C7: variants seen among roughly 807,000 people sequenced by gnomAD.
C7 encodes complement component C7.
Under a neutral mutation model 104.8 loss-of-function variants are expected in C7, and 83 were observed. The observed-to-expected ratio is 0.79, with a 90% confidence interval of 0.66 to 0.95. The LOEUF is 0.95. C7 is among the 40% of genes least tolerant of loss of function. The pLI is 0.00. For synonymous variants in C7, 415 were observed against 360.6 expected, an observed-to-expected ratio of 1.15 and a Z score of -1.71; for missense variants, 1,070 against 1,011.2, an observed-to-expected ratio of 1.06 and a Z score of -0.79.
chr5:40,983,628 T>C lies in C7; in HGVS notation c.*2055T>C, dbSNP rs1236714306. On this transcript the variant is annotated 3_prime_UTR_variant, in exon 18 of 18. Transcript: ENST00000313164. ...TCTAGTCCAACAGAGGCATTCACAA[T>C]TGCCTGTGGAGAATTAGGATTGTCG... Among the ~76,000 whole-genome samples the C allele has an allele frequency of 6.6e-6, 1 of 152,122 alleles. No homozygotes were observed. The highest frequency in any genetic ancestry group is 2.4e-5 in the African/African-American group (1 of 41,430).
intron 1 of C7, chr5:40,910,966 A>G (rs1739195095): frequency 6.6e-6 from 1 of 152,186 alleles, no homozygotes. Flanking sequence ...AATCATTATT[A>G]TAATATTTTA....
chr5:40,918,949 GACACACACACACACACACACAC>G (rs138558983), intron 1 of C7, among the ~76,000 whole-genome samples: 3 of 138,316 alleles, frequency 2.2e-5, no homozygotes, highest in Non-Finnish European at 4.6e-5. Flanking sequence ...GAATCTAACA[GACACACACACACACACACACAC>G]ACACACACAC....
rs1740265902 is a variant in C7 at position 40,955,381 on chromosome 5, G to A, written c.1094-6G>A. On this transcript the variant is annotated splice_polypyrimidine_tract_variant and splice_region_variant and intron_variant, in intron 9 of 17. Coordinates refer to ENST00000313164, the MANE Select transcript of C7 (RefSeq NM_000587.4). ...TTTCACTTTTCATTTGCTTTCTTCTGTATAGGAACCCAGAACAATGTATTG... is the reference window on the plus strand; with the variant it reads ...TTTCACTTTTCATTTGCTTTCTTCTATATAGGAACCCAGAACAATGTATTG... 1.9e-6 allele frequency: 3 copies of A among 1,594,112 alleles called. No individual in the cohort carries two copies. Among genetic ancestry groups the A allele is most frequent in the African/African-American group, 1.4e-5 (1 of 73,794 alleles).
In C7 at chr5:40,981,437, A is replaced by T. The variant is rs1342439130; in HGVS notation, c.2396A>T (p.Glu799Val). 1.2e-6 allele frequency: 2 copies of T among 1,613,462 alleles called. No individual in the cohort carries two copies. The highest frequency in any genetic ancestry group is 1.7e-6 in the Non-Finnish European group (2 of 1,179,718). The change falls in exon 18 of 18, where the codon GAA becomes GTA. Residue 799 changes from glutamate to valine, a missense_variant. Physicochemically the swap from Glu to Val is moderately radical, Grantham distance 121. Transcript: ENST00000313164. Reference protein sequence around the residue: ...CVCREASECEEEGFSICVEVN... With the variant: ...CVCREASECEVEGFSICVEVN... ...TGCCGAGAAGCATCGGAGTGCGAGG[A>T]AGAAGGGTTTAGCATTTGTGTGGAA...
intron 4 of C7, 128 bp downstream of exon 4, chr5:40,934,594 C>A: frequency 2.2e-6 from 2 of 920,764 alleles, no homozygotes; most frequent in Non-Finnish European, 3.3e-6. Flanking sequence ...CCCCAAATAT[C>A]ATCAGGATTT....
Position 40,951,463 on chromosome 5 carries a change from G to A in C7, c.1093+1449G>A, listed in dbSNP as rs570755011. 2.6e-5 allele frequency among the ~76,000 whole-genome samples: 4 copies of A among 152,256 alleles called. No individual in the cohort carries two copies. The South Asian group carries it at 6.2e-4, about 24-fold the overall frequency. On this transcript the variant is annotated intron_variant, in intron 9 of 17. Coordinates refer to ENST00000313164, the MANE Select transcript of C7 (RefSeq NM_000587.4). Reference sequence around the variant, plus strand: ...CAAAAATAGTCACTGGGGACTGCTAGAGAGGGGAGGAAGGGAGGAATCAAG... The same window carrying A: ...CAAAAATAGTCACTGGGGACTGCTAAAGAGGGGAGGAAGGGAGGAATCAAG...
chr5:40,970,449 A>AT (rs1413565761), intron 14 of C7, among the ~76,000 whole-genome samples: 1 of 152,216 alleles, frequency 6.6e-6, no homozygotes, highest in East Asian at 1.9e-4. Flanking sequence ...GAAAGAATAC[A>AT]GATGAAAAGT....
At chr5:40,924,491 A>C (rs145578373) in intron 1 of C7, among the ~76,000 whole-genome samples, 414 of 152,320 alleles carry the variant, frequency 2.7e-3, no homozygotes, top group African/African-American at 9.7e-3. Context: ...TCTGGAGGAC[A>C]GTGATCCCCT....
intron 8 of C7, among the ~76,000 whole-genome samples, chr5:40,948,554 G>A (rs138791510): frequency 3.9e-5 from 6 of 152,226 alleles, no homozygotes; most frequent in African/African-American, 1.4e-4. Context: ...AAAATTGCCT[G>A]ATTTTGGTTA....
In C7 at chr5:40,984,331, A is replaced by G. The variant is rs1247128997; in HGVS notation, c.*2758A>G. 6.6e-6 allele frequency among the ~76,000 whole-genome samples: 1 copy of G among 152,130 alleles called. No homozygotes were observed. The highest frequency in any genetic ancestry group is 1.9e-4 in the East Asian group (1 of 5,178). ...TGGAGTGCCAAGCAGGAAATCTGACAAGTGACCCCCGGAACTTTGGATTAC... is the reference window on the plus strand; with the variant it reads ...TGGAGTGCCAAGCAGGAAATCTGACGAGTGACCCCCGGAACTTTGGATTAC... On this transcript the variant is annotated 3_prime_UTR_variant, in exon 18 of 18. Transcript: ENST00000313164.
intron 5 of C7, 60 bp from the exon 6 acceptor site, chr5:40,937,492 G>T: frequency 1.3e-6 from 2 of 1,533,268 alleles, no homozygotes; most frequent in African/African-American, 1.4e-5. Flanking sequence ...CCCACCAAGT[G>T]CTATTTCTGG....
At chr5:40,944,294 A>T (rs1355209638) in intron 6 of C7, among the ~76,000 whole-genome samples, 2 of 152,234 alleles carry the variant, frequency 1.3e-5, no homozygotes, top group East Asian at 1.9e-4. Context: ...TGACATTTTT[A>T]GCAAATTAGT....
intron 16 of C7, among the ~76,000 whole-genome samples, chr5:40,977,898 C>T (rs1740852692): frequency 6.6e-6 from 1 of 152,088 alleles, no homozygotes; most frequent in African/African-American, 2.4e-5. Context: ...CTTTGGGAGG[C>T]CAAGGTGGGC....
chr5:40,917,401 T>C (rs896806007), intron 1 of C7, among the ~76,000 whole-genome samples: 1 of 152,202 alleles, frequency 6.6e-6, no homozygotes, highest in African/African-American at 2.4e-5. Flanking sequence ...CTTGTTTTAT[T>C]TCACTTAACA....
chr5:40,962,046 G>A (rs1740431842), intron 12 of C7, 39 bp from the exon 13 acceptor site: 1 of 1,134,662 alleles, frequency 8.8e-7, no homozygotes, highest in South Asian at 1.8e-5. Context: ...ATTATACTGT[G>A]CAAATCAATC....
intron 9 of C7, 59 bp downstream of exon 9, chr5:40,950,073 A>C (rs776091942): frequency 3.1e-6 from 3 of 981,260 alleles, no homozygotes; most frequent in Non-Finnish European, 4.6e-6. Flanking sequence ...TTTACTTTTA[A>C]GTTCAAGGGT....
At chr5:40,921,705 C>T (rs28870511) in intron 1 of C7, among the ~76,000 whole-genome samples, 26,299 of 151,984 alleles carry the variant, frequency 0.17, 2,583 homozygotes, top group East Asian at 0.32. Flanking sequence ...AATAAATTCA[C>T]GTATTTACAA....
chr5:40,938,426 G>C (rs1739861648), intron 6 of C7, among the ~76,000 whole-genome samples: 1 of 151,834 alleles, frequency 6.6e-6, no homozygotes, highest in Admixed American at 6.6e-5. Flanking sequence ...TCATGCTGTT[G>C]CAGGTGGCAT....
intron 1 of C7, among the ~76,000 whole-genome samples, chr5:40,916,827 G>A (rs1054470726): frequency 2.6e-5 from 4 of 151,972 alleles, no homozygotes; most frequent in Admixed American, 6.6e-5. Context: ...ATTGTAGAAT[G>A]GCTCAATTGA....
Sources: allele counts gnomAD v4.1 joint callset (sites outside exome capture counted in the v4.1 genomes callset), GRCh38; gene constraint gnomAD v4.1.1; transcripts MANE v1.5; gene names NCBI Gene and HGNC (gene_info 2026-07-23, HGNC 2026-07-21).